The following SPOCK1 variants were observed in gnomAD, a reference collection of about 807,000 sequenced individuals.
SPOCK1 encodes SPARC (osteonectin), cwcv and kazal like domains proteoglycan 1.
SPOCK1 carries 23 observed loss-of-function variants against 55.3 expected under a neutral mutation model. That is an observed-to-expected ratio of 0.42 (90% CI 0.30 to 0.59). The LOEUF (loss-of-function observed/expected upper bound fraction) is 0.59. Ranked by LOEUF, SPOCK1 falls within the 20% of genes least tolerant of loss-of-function variation. The probability of loss-of-function intolerance (pLI) is 0.22; values close to 1 mark genes in which losing one functional copy is unlikely to be tolerated. For synonymous variants in SPOCK1, 226 were observed against 221.0 expected (o/e 1.02, Z -0.20); for missense variants, 499 against 552.5 (o/e 0.90, Z 0.97).
At chr5:137,248,306 G>C (rs1244907896) in intron 3 of SPOCK1, among the ~76,000 whole-genome samples, 1 of 152,118 alleles carries the variant, frequency 6.6e-6, no homozygotes, top group Non-Finnish European at 1.5e-5. Flanking sequence ...TCTATTTTAT[G>C]TGTATGTATC....
chr5:137,271,055 T>A (rs2127119020), intron 2 of SPOCK1, among the ~76,000 whole-genome samples: 1 of 151,756 alleles, frequency 6.6e-6, no homozygotes, highest in Admixed American at 6.6e-5. Flanking sequence ...ACCATAAAGA[T>A]CATGGTAAGA....
intron 2 of SPOCK1, among the ~76,000 whole-genome samples, chr5:137,297,241 TTTAA>T (rs933707123): frequency 6.6e-5 from 10 of 152,210 alleles, no homozygotes; most frequent in South Asian, 2.1e-4. Context: ...CTTATCTCCC[TTTAA>T]TTAAGACTGT....
intron 2 of SPOCK1, among the ~76,000 whole-genome samples, chr5:137,413,231 G>T (rs736514): frequency 0.32 from 49,004 of 151,822 alleles, 8,081 homozygotes; most frequent in Middle Eastern, 0.45. Context: ...CGTCTATTTT[G>T]GGTTTTTTTT....
chr5:136,976,533 A>C lies in SPOCK1; in HGVS notation c.*2121T>G, dbSNP rs2126954949. 1 of 152,772 alleles carries C rather than the reference A, an allele frequency of 6.5e-6. No homozygotes were observed. Among genetic ancestry groups the C allele is most frequent in the Admixed American group, 6.5e-5 (1 of 15,306 alleles). The allele number at this position is 152,772 out of a possible 1,614,324, so 9.5% of individuals were successfully genotyped here. On this transcript the variant is annotated 3_prime_UTR_variant, in exon 11 of 11. Coordinates refer to ENST00000394945, the MANE Select transcript of SPOCK1 (RefSeq NM_004598.4). ...TTCTCTTGTACATTTTCCTAAGCTC[A>C]AAGGAGATAGTAACAATGGTTTTCT...
chr5:137,394,041 A>C (rs949190076), intron 2 of SPOCK1, among the ~76,000 whole-genome samples: 2 of 152,214 alleles, frequency 1.3e-5, no homozygotes, highest in African/African-American at 4.8e-5. Flanking sequence ...CTTCAAAATG[A>C]AGGTTCCTGG....
At chr5:137,413,915 C>T (rs1238754518) in intron 2 of SPOCK1, among the ~76,000 whole-genome samples, 4 of 152,124 alleles carry the variant, frequency 2.6e-5, no homozygotes, top group African/African-American at 7.2e-5. Flanking sequence ...CAGCCCCACA[C>T]GCACTTTTTT....
At chr5:137,473,013 G>T (rs568508996) in intron 2 of SPOCK1, among the ~76,000 whole-genome samples, 1 of 152,152 alleles carries the variant, frequency 6.6e-6, no homozygotes, top group Non-Finnish European at 1.5e-5. Context: ...CGGTTAAAGG[G>T]CAAAATGGTT....
chr5:137,464,573 T>C (rs1753560024), intron 2 of SPOCK1, among the ~76,000 whole-genome samples: 1 of 99,366 alleles, frequency 1.0e-5, no homozygotes, highest in Non-Finnish European at 1.9e-5. Context: ...GGAGGTCAAA[T>C]GGACAGGCCT....
intron 5 of SPOCK1, among the ~76,000 whole-genome samples, chr5:137,097,711 C>G (rs865962711): frequency 6.6e-6 from 1 of 152,176 alleles, no homozygotes; most frequent in African/African-American, 2.4e-5. Context: ...CAAAAACTAA[C>G]CCGAACCTGC....
intron 2 of SPOCK1, among the ~76,000 whole-genome samples, chr5:137,341,780 T>C (rs1261271947): frequency 1.3e-5 from 2 of 152,194 alleles, no homozygotes; most frequent in Non-Finnish European, 2.9e-5. Context: ...AAAAACTCCA[T>C]GTTTACAACG....
At chr5:137,316,795 G>A (rs539577306) in intron 2 of SPOCK1, among the ~76,000 whole-genome samples, 47 of 152,242 alleles carry the variant, frequency 3.1e-4, no homozygotes, top group African/African-American at 1.1e-3. Context: ...AGATCAATTA[G>A]CCTAACTCAC....
chr5:137,256,614 T>C (rs1756637559), intron 3 of SPOCK1, among the ~76,000 whole-genome samples: 1 of 152,140 alleles, frequency 6.6e-6, no homozygotes, highest in Non-Finnish European at 1.5e-5. Context: ...CATTATTGCA[T>C]TGGGGATTAT....
chr5:137,376,527 C>T lies in SPOCK1; in HGVS notation c.187-109472G>A, dbSNP rs998083529. Among the ~76,000 whole-genome samples, 3 of 152,302 alleles carry T rather than the reference C, an allele frequency of 2.0e-5. No individual in the cohort carries two copies. In the South Asian group the frequency reaches 6.2e-4, roughly 32 times the overall value. On this transcript the variant is annotated intron_variant, in intron 2 of 10. Transcript: ENST00000394945. ...TACAAGGTCCTCAGCCGTAGAGCTC[C>T]CCAGGGATGGGGGCAGAGGGGGGCC...
intron 2 of SPOCK1, among the ~76,000 whole-genome samples, chr5:137,305,475 T>G (rs1362199495): frequency 6.6e-6 from 1 of 152,176 alleles, no homozygotes; most frequent in Admixed American, 6.5e-5. Flanking sequence ...ATTCAATGCA[T>G]GGCCTAGAGA....
intron 4 of SPOCK1, among the ~76,000 whole-genome samples, chr5:137,131,523 G>A (rs989451302): frequency 5.9e-5 from 9 of 151,998 alleles, no homozygotes; most frequent in East Asian, 3.9e-4. Context: ...CAGGAGAATC[G>A]CTTGAACCCG....
chr5:137,467,506 T>C (rs1406880923), intron 2 of SPOCK1, among the ~76,000 whole-genome samples: 2 of 152,178 alleles, frequency 1.3e-5, no homozygotes, highest in Non-Finnish European at 1.5e-5. Context: ...TCATGAAGCA[T>C]ATAACATAGA....
rs560969419 is a variant in SPOCK1 at position 137,130,567 on chromosome 5, C to T, written c.347+10013G>A. On this transcript the variant is annotated intron_variant, in intron 4 of 10. Transcript: ENST00000394945. ...TGTCACCATATTCAGAGATGGCCTCCCTGGTGCCTGCCAAGAGAAGGTATC... is the reference window on the plus strand; with the variant it reads ...TGTCACCATATTCAGAGATGGCCTCTCTGGTGCCTGCCAAGAGAAGGTATC... 7.1e-4 allele frequency among the ~76,000 whole-genome samples: 108 copies of T among 152,364 alleles called. 1 individual carries two copies. Among genetic ancestry groups the T allele is most frequent in the African/African-American group, 2.5e-3 (102 of 41,594 alleles).
intron 2 of SPOCK1, among the ~76,000 whole-genome samples, chr5:137,357,968 C>T (rs1351978456): frequency 6.6e-6 from 1 of 152,036 alleles, no homozygotes; most frequent in Non-Finnish European, 1.5e-5. Flanking sequence ...GCTCACTTCA[C>T]CCTGAGACAC....
chr5:137,381,043 G>A lies in SPOCK1; in HGVS notation c.187-113988C>T, dbSNP rs201875303. Reference sequence around the variant, plus strand: ...GATATAATGGGAGTACAGGCATTGGGTAAATGCTCCCATTCCAAATGGGAG... The same window carrying A: ...GATATAATGGGAGTACAGGCATTGGATAAATGCTCCCATTCCAAATGGGAG... On this transcript the variant is annotated intron_variant, in intron 2 of 10. Coordinates refer to ENST00000394945, the MANE Select transcript of SPOCK1 (RefSeq NM_004598.4). 3.9e-5 allele frequency among the ~76,000 whole-genome samples: 6 copies of A among 151,992 alleles called. No homozygotes were observed. The East Asian group carries it at 9.6e-4, about 24-fold the overall frequency.
Sources: allele counts gnomAD v4.1 joint callset (sites outside exome capture counted in the v4.1 genomes callset), GRCh38; gene constraint gnomAD v4.1.1; transcripts MANE v1.5; gene names NCBI Gene and HGNC (gene_info 2026-07-23, HGNC 2026-07-21).